The following TUBGCP3 variants were observed in gnomAD, a reference collection of about 807,000 sequenced individuals.
The protein encoded by TUBGCP3 is tubulin gamma complex component 3.
Under a neutral mutation model 123.1 loss-of-function variants are expected in TUBGCP3, and 50 were observed. The observed-to-expected ratio is 0.41, with a 90% CI of 0.32 to 0.51. TUBGCP3 has a LOEUF of 0.51. Ranked by LOEUF, TUBGCP3 falls within the 20% of genes least tolerant of loss-of-function variation. The pLI, the probability that TUBGCP3 is intolerant of heterozygous loss-of-function variation, is 0.36. For synonymous variants in TUBGCP3, 405 were observed against 413.9 expected (o/e 0.98, Z 0.26); for missense variants, 882 against 1,127.0 (o/e 0.78, Z 3.11).
At chr13:112,578,515 C>T (rs1420635485) in intron 1 of TUBGCP3, among the ~76,000 whole-genome samples, 2 of 129,954 alleles carry the variant, frequency 1.5e-5, no homozygotes, top group South Asian at 5.0e-4. Flanking sequence ...GCCGGGATAG[C>T]GCCACTGCAG....
intron 1 of TUBGCP3, among the ~76,000 whole-genome samples, chr13:112,578,667 A>G (rs1882047456): frequency 6.6e-6 from 1 of 151,200 alleles, no homozygotes; most frequent in African/African-American, 2.4e-5. Flanking sequence ...ATGCAACGCG[A>G]CCTTTCGACC....
intron 13 of TUBGCP3, among the ~76,000 whole-genome samples, chr13:112,526,197 A>G (rs1394353123): frequency 6.7e-6 from 1 of 148,684 alleles, no homozygotes; most frequent in South Asian, 2.2e-4. Context: ...TGCCACCACC[A>G]CGCCATCATC....
intron 11 of TUBGCP3, among the ~76,000 whole-genome samples, chr13:112,538,557 C>CA (rs1252087920): frequency 6.6e-6 from 1 of 152,194 alleles, no homozygotes; most frequent in Non-Finnish European, 1.5e-5. Context: ...TCTCCCTGTT[C>CA]AAATCTGCTG....
chr13:112,485,918 C>T lies in TUBGCP3; in HGVS notation c.*75G>A. On this transcript the variant is annotated 3_prime_UTR_variant, in exon 22 of 22. Coordinates refer to ENST00000261965, the MANE Select transcript of TUBGCP3 (RefSeq NM_006322.6). ...GGACACCTGCAGCATGCAGTTCCTG[C>T]AGGACGTCAATGGGAATTTCGTGTC... 9.0e-7 allele frequency: 1 copy of T among 1,115,998 alleles called. No individual in the cohort carries two copies. The highest frequency in any genetic ancestry group is 1.5e-5 in the African/African-American group (1 of 64,918). The allele number at this position is 1,115,998 out of a possible 1,614,324, so 69.1% of individuals were successfully genotyped here.
chr13:112,513,890 A>G (rs1042800467), intron 17 of TUBGCP3, among the ~76,000 whole-genome samples: 3 of 152,070 alleles, frequency 2.0e-5, no homozygotes, highest in Non-Finnish European at 4.4e-5. Flanking sequence ...CCAGAAATAA[A>G]CAATTCATAA....
At chr13:112,509,427 A>C (rs115186728) in intron 17 of TUBGCP3, among the ~76,000 whole-genome samples, 3 of 152,218 alleles carry the variant, frequency 2.0e-5, no homozygotes, top group African/African-American at 7.2e-5. Flanking sequence ...TGGACGTCAG[A>C]GCAGGCAGTC....
intron 13 of TUBGCP3, among the ~76,000 whole-genome samples, 196 bp from the exon 14 acceptor site, chr13:112,522,705 C>G (rs973606752): frequency 6.6e-6 from 1 of 152,216 alleles, no homozygotes; most frequent in Non-Finnish European, 1.5e-5. Flanking sequence ...GAAAACAATT[C>G]TGCCAGCTGG....
In TUBGCP3 at chr13:112,525,982, T is replaced by C. The variant is rs1017763209; in HGVS notation, c.1555+960A>G. Among the ~76,000 whole-genome samples the C allele has an allele frequency of 3.9e-5, 6 of 152,294 alleles. No individual in the cohort carries two copies. The South Asian group carries it at 1.0e-3, about 26-fold the overall frequency. ...AAGGTGTATCAGAGAGTAATTCTAATAATCTATAAATCCTATGGTACAAAA... is the reference window on the plus strand; with the variant it reads ...AAGGTGTATCAGAGAGTAATTCTAACAATCTATAAATCCTATGGTACAAAA... On this transcript the variant is annotated intron_variant, in intron 13 of 21. Transcript: ENST00000261965.
chr13:112,540,968 GC>G (rs1878473676), intron 11 of TUBGCP3, among the ~76,000 whole-genome samples: 1 of 152,084 alleles, frequency 6.6e-6, no homozygotes. Context: ...CATATTCTAA[GC>G]AACAAGAGTG....
At chr13:112,594,693 A>C in the TUBGCP3 span, among the ~76,000 whole-genome samples, 3 of 152,164 alleles carry the variant, frequency 2.0e-5, no homozygotes, top group African/African-American at 7.2e-5. Context: ...TTCTAATGTA[A>C]ACATTTAGTG....
chr13:112,572,133 A>G (rs1881446541), intron 1 of TUBGCP3, among the ~76,000 whole-genome samples: 1 of 152,226 alleles, frequency 6.6e-6, no homozygotes, highest in Admixed American at 6.5e-5. Flanking sequence ...ACTAACTGGC[A>G]TAAGAGGCCT....
intron 1 of TUBGCP3, among the ~76,000 whole-genome samples, chr13:112,578,507 C>T (rs1415758153): frequency 8.2e-6 from 1 of 122,222 alleles, no homozygotes; most frequent in Non-Finnish European, 1.6e-5. Context: ...TGCAGTGAGC[C>T]GGGATAGCGC....
intron 11 of TUBGCP3, among the ~76,000 whole-genome samples, chr13:112,529,616 G>A (rs996807416): frequency 4.6e-5 from 7 of 152,174 alleles, no homozygotes; most frequent in South Asian, 2.1e-4. Context: ...CTACTTTTCT[G>A]CTATAGATGG....
intron 8 of TUBGCP3, among the ~76,000 whole-genome samples, chr13:112,549,340 G>A (rs564318303): frequency 4.0e-5 from 6 of 151,878 alleles, no homozygotes; most frequent in Non-Finnish European, 7.4e-5. Flanking sequence ...GTTGTGGGGT[G>A]GGGGGAGCGG....
At position 112,577,143 on chromosome 13, in the gene TUBGCP3, C is replaced by CT. The variant is rs546239960; in HGVS notation, c.77-7885dup. On this transcript the variant is annotated intron_variant, in intron 1 of 21. Coordinates refer to ENST00000261965, the MANE Select transcript of TUBGCP3 (RefSeq NM_006322.6). Reference sequence around the variant, plus strand: ...CTAAGTAATTTATGTAGACACTTCACTCTCAAGGAGGTAGCTAAAACAACT... The same window carrying CT: ...CTAAGTAATTTATGTAGACACTTCACTTCTCAAGGAGGTAGCTAAAACAACT... Among the ~76,000 whole-genome samples, 39 of 152,250 alleles carry CT rather than the reference C, an allele frequency of 2.6e-4. No individual in the cohort carries two copies. In the South Asian group the frequency reaches 7.0e-3, roughly 28 times the overall value.
Position 112,558,413 on chromosome 13 carries a change from C to G in TUBGCP3, c.331G>C (p.Val111Leu), listed in dbSNP as rs778580374. ...GCAAATAACGTAGCATAGCTAGAAA[C>G]CTGAAAAGAGAAACACACTAAGAGC... is the stretch of plus-strand genomic sequence containing the variant. ...SEDPRRQPSKVSSYATLFAQA... is the reference protein window; with the variant it reads ...SEDPRRQPSKLSSYATLFAQA... The change falls in exon 5 of 22, where the codon GTT (valine) becomes CTT (leucine). Residue 111 changes from valine to leucine, a missense_variant and splice_region_variant. By Grantham distance (32) the Val-to-Leu change is conservative (BLOSUM62 1). Transcript: ENST00000261965. 1 of 1,543,692 alleles carries G rather than the reference C, an allele frequency of 6.5e-7. No homozygotes were observed. Among genetic ancestry groups the G allele is most frequent in the South Asian group, 1.2e-5 (1 of 83,446 alleles).
chr13:112,507,754 A>G (rs1419362529), intron 17 of TUBGCP3, among the ~76,000 whole-genome samples: 3 of 152,198 alleles, frequency 2.0e-5, no homozygotes, highest in African/African-American at 7.2e-5. Flanking sequence ...TGCTTTTGCT[A>G]ACGTCTTCTA....
intron 1 of TUBGCP3, 88 bp downstream of exon 1, chr13:112,587,817 C>T (rs1449139072): frequency 8.0e-7 from 1 of 1,242,244 alleles, no homozygotes; most frequent in African/African-American, 1.6e-5. Context: ...ATCCTCGTTC[C>T]TCCAGCCCCG....
chr13:112,494,911 GA>G (rs1880427770), intron 20 of TUBGCP3, among the ~76,000 whole-genome samples: 1 of 152,150 alleles, frequency 6.6e-6, no homozygotes, highest in Non-Finnish European at 1.5e-5. Context: ...TTTCTTAACT[GA>G]ATTACTAGAG....
Sources: allele counts gnomAD v4.1 joint callset (sites outside exome capture counted in the v4.1 genomes callset), GRCh38; gene constraint gnomAD v4.1.1; transcripts MANE v1.5; gene names NCBI Gene and HGNC (gene_info 2026-07-23, HGNC 2026-07-21).